PDE7B: variants seen among roughly 807,000 people sequenced by gnomAD.
PDE7B encodes the protein 3',5'-cyclic-AMP phosphodiesterase 7B.
A neutral mutation model predicts 56.2 loss-of-function variants in PDE7B; 29 were observed. The observed-to-expected ratio is 0.52, with a 90% CI of 0.38 to 0.70. The LOEUF is 0.70. Ranked by LOEUF, PDE7B falls within the 30% of genes least tolerant of loss-of-function variation. The probability of loss-of-function intolerance (pLI) is 0.00; values close to 1 mark genes in which losing one functional copy is unlikely to be tolerated. For missense variants in PDE7B, 490 were observed against 565.0 expected (o/e 0.87, Z 1.35); for synonymous variants, 197 against 196.9 (o/e 1.00, Z 0.00).
chr6:136,133,513 T>G (rs552591908), intron 3 of PDE7B, among the ~76,000 whole-genome samples: 5 of 152,284 alleles, frequency 3.3e-5, no homozygotes, highest in Middle Eastern at 3.4e-3. Context: ...TCTGGACAAT[T>G]ACTTCAATTC....
intron 3 of PDE7B, among the ~76,000 whole-genome samples, chr6:136,109,755 C>A (rs1179380150): frequency 1.3e-5 from 2 of 152,178 alleles, no homozygotes; most frequent in Non-Finnish European, 1.5e-5. Context: ...GACCAGTCAT[C>A]CCTCCAGATT....
chr6:136,183,438 A>C (rs1210041323), intron 11 of PDE7B, among the ~76,000 whole-genome samples: 1 of 150,626 alleles, frequency 6.6e-6, no homozygotes, highest in East Asian at 1.9e-4. Context: ...CTAAAAATAC[A>C]AAAAAAAATT....
intron 1 of PDE7B, among the ~76,000 whole-genome samples, chr6:135,918,582 G>A (rs1774002692): frequency 1.3e-5 from 2 of 152,038 alleles, no homozygotes; most frequent in African/African-American, 4.8e-5. Flanking sequence ...GCAAAAGACA[G>A]CGTATCCCCT....
At chr6:136,038,092 T>C (rs767990910) in intron 2 of PDE7B, 2 of 1,334,178 alleles carry the variant, frequency 1.5e-6, no homozygotes, top group African/African-American at 3.0e-5. Flanking sequence ...GACAGGGAGG[T>C]TGTGCCAGGC....
chr6:136,020,447 T>C (rs920702944), intron 2 of PDE7B, among the ~76,000 whole-genome samples: 7 of 152,206 alleles, frequency 4.6e-5, no homozygotes, highest in South Asian at 2.1e-4. Context: ...ACTTAATACA[T>C]TGAAATATGC....
At chr6:136,117,733 C>T (rs1265837098) in intron 3 of PDE7B, among the ~76,000 whole-genome samples, 5 of 152,200 alleles carry the variant, frequency 3.3e-5, no homozygotes, top group Admixed American at 2.0e-4. Context: ...GTGTGCACCC[C>T]TCTTAGGCAA....
intron 3 of PDE7B, among the ~76,000 whole-genome samples, chr6:136,142,681 A>C (rs1441180701): frequency 1.3e-5 from 2 of 152,066 alleles, no homozygotes; most frequent in Non-Finnish European, 2.9e-5. Context: ...CTTCTTGTTG[A>C]ATTGATCCCT....
chr6:135,877,343 C>T lies in PDE7B; in HGVS notation c.21+25324C>T, dbSNP rs149222096. On this transcript the variant is annotated intron_variant, in intron 1 of 12. Transcript: ENST00000308191. ...TCCCAGAAATTTTGCCATTCTAGAA[C>T]CAGTTTACACATTCCTTTTTTTTTT... is the stretch of plus-strand genomic sequence containing the variant. 2.5e-3 allele frequency among the ~76,000 whole-genome samples: 354 copies of T among 144,410 alleles called. 1 individual carries two copies. The highest frequency in any genetic ancestry group is 8.7e-3 in the African/African-American group (340 of 38,976). The allele number at this position is 144,410 out of a possible 152,430, so 94.7% of individuals were successfully genotyped here.
At chr6:136,121,092 G>A (rs772906787) in intron 3 of PDE7B, among the ~76,000 whole-genome samples, 6 of 151,992 alleles carry the variant, frequency 3.9e-5, no homozygotes, top group African/African-American at 7.3e-5. Flanking sequence ...CCTGTCCCTC[G>A]GTGTCTGGGC....
intron 9 of PDE7B, 120 bp downstream of exon 9, chr6:136,174,008 C>A: frequency 1.4e-6 from 1 of 707,062 alleles, no homozygotes; most frequent in South Asian, 1.6e-5. Context: ...GTACTTCCTG[C>A]CTGCACTGAG....
At chr6:136,063,500 A>G (rs1352319248) in intron 2 of PDE7B, among the ~76,000 whole-genome samples, 52 of 152,364 alleles carry the variant, frequency 3.4e-4, no homozygotes, top group Non-Finnish European at 4.4e-5. Context: ...AGACTACTGC[A>G]GTAGTCCCCT....
intron 2 of PDE7B, among the ~76,000 whole-genome samples, chr6:136,024,980 C>G (rs1776128330): frequency 1.3e-5 from 2 of 152,136 alleles, no homozygotes; most frequent in Non-Finnish European, 2.9e-5. Context: ...CGTTTGTGCT[C>G]TTGGGGGAAA....
chr6:135,887,192 C>T (rs1775724861), intron 1 of PDE7B, among the ~76,000 whole-genome samples: 1 of 151,978 alleles, frequency 6.6e-6, no homozygotes, highest in African/African-American at 2.4e-5. Flanking sequence ...TGTCCTTTGC[C>T]CACTTTTTGA....
intron 1 of PDE7B, among the ~76,000 whole-genome samples, chr6:135,924,182 C>T (rs191555543): frequency 2.0e-5 from 3 of 152,228 alleles, no homozygotes; most frequent in Non-Finnish European, 4.4e-5. Context: ...TTCAATAATT[C>T]TTATTCCAGA....
intron 1 of PDE7B, among the ~76,000 whole-genome samples, chr6:135,928,457 A>T (rs111683068): frequency 8.3e-5 from 8 of 96,384 alleles, no homozygotes; most frequent in East Asian, 2.7e-4. Context: ...ATTTATTTAT[A>T]TATATATTTA....
chr6:136,173,272 C>A (rs1280725135), intron 8 of PDE7B, among the ~76,000 whole-genome samples: 1 of 152,096 alleles, frequency 6.6e-6, no homozygotes, highest in Non-Finnish European at 1.5e-5. Context: ...GCTACAGTAA[C>A]CAAAACAGCA....
intron 9 of PDE7B, among the ~76,000 whole-genome samples, chr6:136,177,304 T>G (rs1292542419): frequency 1.3e-5 from 2 of 152,010 alleles, no homozygotes; most frequent in African/African-American, 4.8e-5. Context: ...TCTCTATTTA[T>G]AAATTTAAAA....
chr6:135,920,722 CTG>C (rs1190386736), intron 1 of PDE7B, among the ~76,000 whole-genome samples: 1 of 152,182 alleles, frequency 6.6e-6, no homozygotes, highest in East Asian at 1.9e-4. Context: ...TAGCCTGAGT[CTG>C]TGATTTAGGT....
chr6:135,870,315 G>A (rs953905607), intron 1 of PDE7B, among the ~76,000 whole-genome samples: 1 of 152,044 alleles, frequency 6.6e-6, no homozygotes, highest in African/African-American at 2.4e-5. Flanking sequence ...GCATGTTCTG[G>A]CTCTGCCCCC....
Sources: gnomAD v4.1 joint callset for allele counts (sites outside exome capture counted in the v4.1 genomes callset) on GRCh38, gnomAD v4.1.1 for gene constraint, MANE v1.5 for transcripts, NCBI Gene and HGNC (gene_info 2026-07-23, HGNC 2026-07-21) for gene names.